The following SF3A2 variants were observed in gnomAD, a reference collection of about 807,000 sequenced individuals.
SF3A2 encodes the protein splicing factor 3a subunit 2.
SF3A2 carries 5 observed loss-of-function variants against 31.1 expected under a neutral mutation model. The observed-to-expected ratio is 0.16, with a 90% CI of 0.08 to 0.34. SF3A2 has a LOEUF of 0.34. SF3A2 is among the 10% of genes least tolerant of loss of function. The pLI, the probability that SF3A2 is intolerant of heterozygous loss-of-function variation, is 1.00. For missense variants in SF3A2, 577 were observed against 643.9 expected (o/e 0.90, Z 1.13); for synonymous variants, 365 against 263.7 (o/e 1.38, Z -3.72).
chr19:2,242,280 G>A (rs2024897653), intron 1 of SF3A2, among the ~76,000 whole-genome samples: 1 of 152,258 alleles, frequency 6.6e-6, no homozygotes, highest in South Asian at 2.1e-4. Flanking sequence ...GGCTGTATCA[G>A]CTTCTGGTTC....
chr19:2,237,902 G>A (rs563000520), intron 1 of SF3A2: 1 of 152,246 alleles, frequency 6.6e-6, no homozygotes, highest in Non-Finnish European at 1.5e-5. Flanking sequence ...TAGGTTGTTG[G>A]CTAGGTTAAG....
In SF3A2 at chr19:2,248,304, G is replaced by T; in HGVS notation, c.1153G>T (p.Ala385Ser). ...CCCGGGGGTGCACCCAGCAGCCCCC[G>T]CCGTTCACCCTCAGGCCCCAGGGGT... Reference protein sequence around the residue: ...QAPGVHPAAPAVHPQAPGVHP... With the variant: ...QAPGVHPAAPSVHPQAPGVHP... Residue 385 changes from alanine (A) to serine (S), a missense_variant, in exon 9 of 9, where the codon GCC becomes TCC. Coordinates refer to ENST00000221494, the MANE Select transcript of SF3A2 (RefSeq NM_007165.5). 1 of 1,364,888 alleles carries T rather than the reference G, an allele frequency of 7.3e-7. No homozygotes were observed. The highest frequency in any genetic ancestry group is 1.6e-5 in the South Asian group (1 of 62,080). 84.5% of individuals were successfully genotyped at this position (1,364,888 alleles called of 1,614,324 possible).
chr19:2,241,193 C>T (rs1168995097), intron 1 of SF3A2, among the ~76,000 whole-genome samples: 4 of 152,156 alleles, frequency 2.6e-5, no homozygotes, highest in Non-Finnish European at 4.4e-5. Context: ...GAGGGGAGCG[C>T]TTGATGACGC....
In SF3A2 at chr19:2,248,233, C is replaced by G. The variant is rs777410656; in HGVS notation, c.1082C>G (p.Ala361Gly). 179 of 1,448,310 alleles carry G rather than the reference C, an allele frequency of 1.2e-4. No individual in the cohort carries two copies. The highest frequency in any genetic ancestry group is 4.4e-4 in the Middle Eastern group (2 of 4,554). The allele number at this position is 1,448,310 out of a possible 1,614,324, so 89.7% of individuals were successfully genotyped here. ...CCAGCCCCTGGGGTTCACCCACCAG[C>G]CCCAGGGGTCCATCCTCCCCCATCA... ...HPPAPGVHPP[A>G]PGVHPPPSAG... Residue 361 changes from alanine to glycine, a missense_variant, in exon 9 of 9, where the codon GCC (alanine) becomes GGC (glycine). Ala to Gly is a moderately conservative substitution (Grantham distance 60). Coordinates refer to ENST00000221494, the MANE Select transcript of SF3A2 (RefSeq NM_007165.5).
chr19:2,244,573 C>T lies in SF3A2; in HGVS notation c.156C>T (p.Gly52=), dbSNP rs1349725096. 1.2e-6 allele frequency: 2 copies of T among 1,614,128 alleles called. No homozygotes were observed. The highest frequency in any genetic ancestry group is 1.7e-5 in the Admixed American group (1 of 60,020). ...CGTACTTCATGAAGAACCACCTGGGCTCCTATGAATGCAAACTCTGCCTGA... is the reference window on the plus strand; with the variant it reads ...CGTACTTCATGAAGAACCACCTGGGTTCCTATGAATGCAAACTCTGCCTGA... ...KDPYFMKNHL[G]SYECKLCLTL... is the part of the protein sequence containing the mutation. Residue 52 remains glycine, a synonymous_variant, in exon 3 of 9, where the codon GGC becomes GGT. Transcript: ENST00000221494.
Position 2,242,458 on chromosome 19 carries a change from C to T in SF3A2, c.-37-924C>T, listed in dbSNP as rs556411484. 3.3e-5 allele frequency among the ~76,000 whole-genome samples: 5 copies of T among 152,182 alleles called. No individual in the cohort carries two copies. In the South Asian group the frequency reaches 1.0e-3, roughly 32 times the overall value. Reference sequence around the variant, plus strand: ...GCAGCCTCTCTGACTCTCAGCCTCCCGCCTCCTCTCATGAGGTCACCCAGG... The same window carrying T: ...GCAGCCTCTCTGACTCTCAGCCTCCTGCCTCCTCTCATGAGGTCACCCAGG... On this transcript the variant is annotated intron_variant, in intron 1 of 8. Coordinates refer to ENST00000221494, the MANE Select transcript of SF3A2 (RefSeq NM_007165.5).
Position 2,245,588 on chromosome 19 carries a change from C to T in SF3A2, c.355+33C>T, listed in dbSNP as rs371618150. 1.1e-4 allele frequency: 161 copies of T among 1,445,640 alleles called. No homozygotes were observed. The highest frequency in any genetic ancestry group is 1.4e-4 in the Non-Finnish European group (146 of 1,051,250). 89.6% of individuals were successfully genotyped at this position (1,445,640 alleles called of 1,614,324 possible). On this transcript the variant is annotated intron_variant, in intron 5 of 8. Transcript: ENST00000221494. The surrounding 1 kb of genome is among the most constrained non-coding windows in gnomAD (Gnocchi z 4.2). Reference sequence around the variant, plus strand: ...TGCCCGCAGCGGGGCCGGCCACAGCCGCTGCCGTGACATAAGTGTGTTCTT... The same window carrying T: ...TGCCCGCAGCGGGGCCGGCCACAGCTGCTGCCGTGACATAAGTGTGTTCTT...
At position 2,246,823 on chromosome 19, in the gene SF3A2, G is replaced by C; in HGVS notation, c.405+21G>C. ...TCCAGGTGAGATCAGGGACTTGGGC[G>C]TGGGGGGCGGCCAAAGGCACCCAAG... On this transcript the variant is annotated intron_variant, in intron 6 of 8. Coordinates refer to ENST00000221494, the MANE Select transcript of SF3A2 (RefSeq NM_007165.5). This position sits in a 1 kb window ranked among gnomAD's most constrained non-coding sequence, Gnocchi z 5.5. The C allele has an allele frequency of 6.2e-7, 1 of 1,613,762 alleles. No homozygotes were observed. The highest frequency in any genetic ancestry group is 8.5e-7 in the Non-Finnish European group (1 of 1,179,958).
chr19:2,238,264 C>T (rs1411983200), intron 1 of SF3A2, among the ~76,000 whole-genome samples: 1 of 152,180 alleles, frequency 6.6e-6, no homozygotes, highest in Non-Finnish European at 1.5e-5. Flanking sequence ...CCAGGTGATC[C>T]ACCTGCCACG....
chr19:2,243,243 C>T (rs2024905854), intron 1 of SF3A2, 139 bp from the exon 2 acceptor site: 4 of 615,500 alleles, frequency 6.5e-6, no homozygotes, highest in Non-Finnish European at 1.0e-5. Flanking sequence ...GTGGCCCCCT[C>T]AGGGCTGGTT....
At chr19:2,244,049 A>G (rs1323463840) in intron 2 of SF3A2, among the ~76,000 whole-genome samples, 5 of 152,140 alleles carry the variant, frequency 3.3e-5, no homozygotes, top group African/African-American at 1.2e-4. Flanking sequence ...GTGGAGTTAG[A>G]CTTTGAACTC....
intron 1 of SF3A2, among the ~76,000 whole-genome samples, chr19:2,240,040 C>T (rs1263284386): frequency 6.6e-6 from 1 of 152,218 alleles, no homozygotes; most frequent in Non-Finnish European, 1.5e-5. Flanking sequence ...TCTGTGTGAG[C>T]GCCACTTCTC....
chr19:2,241,305 C>T (rs1159502312), intron 1 of SF3A2, among the ~76,000 whole-genome samples: 3 of 152,174 alleles, frequency 2.0e-5, no homozygotes, highest in Admixed American at 2.0e-4. Flanking sequence ...CTCACACGTT[C>T]CCCCGAGCGA....
chr19:2,238,503 C>T (rs2145005122), intron 1 of SF3A2, among the ~76,000 whole-genome samples: 1 of 152,318 alleles, frequency 6.6e-6, no homozygotes, highest in Admixed American at 6.5e-5. Context: ...CCTTCACCTT[C>T]CATATCCTGA....
intron 1 of SF3A2, 46 bp downstream of exon 1, chr19:2,236,947 G>C (rs1354848357): frequency 6.6e-6 from 1 of 152,210 alleles, no homozygotes; most frequent in Non-Finnish European, 1.5e-5. Context: ...GCGGACCGGG[G>C]GTTCCCTGGG....
At chr19:2,243,746 C>T (rs1034906066) in intron 2 of SF3A2, among the ~76,000 whole-genome samples, 20 of 152,244 alleles carry the variant, frequency 1.3e-4, no homozygotes, top group African/African-American at 4.6e-4. Flanking sequence ...GCTCTGAGTC[C>T]CATGTGGACA....
rs1311040699 is a variant in SF3A2, at chr19:2,246,694, A to C, written c.356-59A>C. 6.2e-7 allele frequency: 1 copy of C among 1,605,730 alleles called. No individual in the cohort carries two copies. Among genetic ancestry groups the C allele is most frequent in the Non-Finnish European group, 8.5e-7 (1 of 1,174,122 alleles). On this transcript the variant is annotated intron_variant, in intron 5 of 8. Coordinates refer to ENST00000221494, the MANE Select transcript of SF3A2 (RefSeq NM_007165.5). This position sits in a 1 kb window ranked among gnomAD's most constrained non-coding sequence, Gnocchi z 5.5. ...TCAGTGGGTGGCATTAGCCTGCCCC[A>C]GGTTCCTCAGCTTCGGAGAGGACAA...
chr19:2,248,332 A>C lies in SF3A2; in HGVS notation c.1181A>C (p.His394Pro). The C allele has an allele frequency of 7.4e-7, 1 of 1,344,046 alleles. No individual in the cohort carries two copies. Among genetic ancestry groups the C allele is most frequent in the East Asian group, 3.0e-5 (1 of 32,950 alleles). The allele number at this position is 1,344,046 out of a possible 1,614,324, so 83.3% of individuals were successfully genotyped here. A position where few individuals can be genotyped will look rare whatever the true frequency, so the allele number is the denominator to read the frequency against. The change falls in exon 9 of 9, where the codon CAC becomes CCC. Residue 394 changes from histidine to proline, a missense_variant. His to Pro is a moderately conservative substitution (Grantham distance 77). Transcript: ENST00000221494. Reference sequence around the variant, plus strand: ...GTTCACCCTCAGGCCCCAGGGGTGCACCCACCAGCCCCAGGGATGCACCCT... The same window carrying C: ...GTTCACCCTCAGGCCCCAGGGGTGCCCCCACCAGCCCCAGGGATGCACCCT... ...PAVHPQAPGV[H>P]PPAPGMHPQA...
At chr19:2,242,145 A>G (rs898891376) in intron 1 of SF3A2, among the ~76,000 whole-genome samples, 3 of 151,004 alleles carry the variant, frequency 2.0e-5, no homozygotes, top group Non-Finnish European at 3.0e-5. Flanking sequence ...ACCTGCCGCC[A>G]CTGTGGCCTG....
Sources: gnomAD v4.1 joint callset for allele counts (sites outside exome capture counted in the v4.1 genomes callset) on GRCh38, gnomAD v4.1.1 for gene constraint, Gnocchi (gnomAD v3.1) non-coding constraint, MANE v1.5 for transcripts, NCBI Gene and HGNC (gene_info 2026-07-23, HGNC 2026-07-21) for gene names.